Variants in FBXO3 observed in about 807,000 individuals in gnomAD.
FBXO3 encodes F-box protein 3.
FBXO3 carries 17 observed loss-of-function variants against 64.8 expected under a neutral mutation model. The ratio of observed to expected loss-of-function variants is 0.26; its 90% CI spans 0.18 to 0.39. The LOEUF (loss-of-function observed/expected upper bound fraction) is 0.39, where lower values mean the gene tolerates loss of function less well. FBXO3 is among the 10% of genes least tolerant of loss of function. The pLI is 1.00. For synonymous variants in FBXO3, 182 were observed against 201.6 expected, an observed-to-expected ratio of 0.90 and a Z score of 0.82; for missense variants, 420 against 589.9, an observed-to-expected ratio of 0.71 and a Z score of 2.98.
chr11:33,760,216 T>C (rs1022027063), intron 3 of FBXO3, among the ~76,000 whole-genome samples: 3 of 152,182 alleles, frequency 2.0e-5, no homozygotes, highest in African/African-American at 7.2e-5. Flanking sequence ...AGAAAAGTTA[T>C]CTAGATACAT....
In FBXO3 at chr11:33,741,095, G is replaced by C. The variant is rs1430896828; in HGVS notation, c.*813C>G. On this transcript the variant is annotated 3_prime_UTR_variant, in exon 11 of 11. Coordinates refer to ENST00000265651, the MANE Select transcript of FBXO3 (RefSeq NM_012175.4). ...ATTCATGTCACTTATCACAAAGACA[G>C]TCAAGTGTATAAAGGAGAAACAAAA... 1.3e-5 allele frequency: 2 copies of C among 152,590 alleles called. No individual in the cohort carries two copies. Among genetic ancestry groups the C allele is most frequent in the Non-Finnish European group, 1.5e-5 (1 of 68,022 alleles). The allele number at this position is 152,590 out of a possible 1,614,324, so 9.5% of individuals were successfully genotyped here.
At chr11:33,754,527 T>C (rs1590570883) in intron 5 of FBXO3, 27 bp from the exon 6 acceptor site, 1 of 1,542,174 alleles carries the variant, frequency 6.5e-7, no homozygotes, top group East Asian at 2.3e-5. Flanking sequence ...ATACAATCGA[T>C]AAAAACACAT....
At chr11:33,769,243 C>T (rs1010052221) in intron 2 of FBXO3, among the ~76,000 whole-genome samples, 1 of 151,970 alleles carries the variant, frequency 6.6e-6, no homozygotes, top group Non-Finnish European at 1.5e-5. Flanking sequence ...TTTCTTTCTA[C>T]TTATTTTTTT....
Position 33,762,405 on chromosome 11 carries a change from G to C in FBXO3, c.359-3804C>G, listed in dbSNP as rs147520241. Among the ~76,000 whole-genome samples, 252 of 152,152 alleles carry C rather than the reference G, an allele frequency of 1.7e-3. 1 individual carries two copies. The highest frequency in any genetic ancestry group is 6.8e-3 in the Middle Eastern group (2 of 294). On this transcript the variant is annotated intron_variant, in intron 3 of 10. Transcript: ENST00000265651. ...GATCACATACCGGACCACAGAATAA[G>C]TCCTAACAAATTTTAAATGACTGAA...
intron 1 of FBXO3, chr11:33,771,698 C>A (rs1390567826): frequency 6.6e-6 from 1 of 152,186 alleles, no homozygotes; most frequent in African/African-American, 2.4e-5. Flanking sequence ...CTATAGTAAA[C>A]AAAATTGCCT....
intron 2 of FBXO3, 24 bp from the exon 3 acceptor site, chr11:33,769,038 T>C: frequency 1.9e-6 from 3 of 1,558,846 alleles, no homozygotes; most frequent in Non-Finnish European, 2.6e-6. Flanking sequence ...AAACATGAGA[T>C]TTTAAATCTT....
intron 7 of FBXO3, among the ~76,000 whole-genome samples, chr11:33,751,273 T>C (rs922472485): frequency 6.6e-6 from 1 of 152,234 alleles, no homozygotes; most frequent in Non-Finnish European, 1.5e-5. Flanking sequence ...TATTAACCCA[T>C]AGTTTCTAAA....
intron 3 of FBXO3, 77 bp downstream of exon 3, chr11:33,768,774 G>T: frequency 6.6e-7 from 1 of 1,525,808 alleles, no homozygotes; most frequent in Non-Finnish European, 9.1e-7. Flanking sequence ...AGATGACAGA[G>T]ATTCAAAGTT....
chr11:33,747,089 C>T (rs767974816), intron 10 of FBXO3, 41 bp downstream of exon 10: 1 of 1,606,466 alleles, frequency 6.2e-7, no homozygotes, highest in South Asian at 1.1e-5. Context: ...GTTAACCCTA[C>T]AAAGTCATGT....
rs769797882 is a variant in FBXO3 at position 33,755,831 on chromosome 11, C to T, written c.618G>A (p.Gln206=). ...LTFCIHTGLS[Q]YIAVEAAEGR... ...CCTCTGCAGCTTCCACTGCTATGTA[C>T]TGACTCAAACCAGTATGTATGCAAA... The change falls in exon 5 of 11, where the codon CAG becomes CAA. Residue 206 remains glutamine, a synonymous_variant. Coordinates refer to ENST00000265651, the MANE Select transcript of FBXO3 (RefSeq NM_012175.4). The T allele has an allele frequency of 1.2e-6, 2 of 1,614,018 alleles. No homozygotes were observed. Among genetic ancestry groups the T allele is most frequent in the Non-Finnish European group, 1.7e-6 (2 of 1,180,016 alleles).
intron 6 of FBXO3, chr11:33,753,564 T>G (rs1487402636): frequency 6.6e-6 from 1 of 152,200 alleles, no homozygotes; most frequent in East Asian, 1.9e-4. Flanking sequence ...AGAGACCACA[T>G]GAGTCAGAGT....
intron 10 of FBXO3, 133 bp downstream of exon 10, chr11:33,746,996 AC>A: frequency 3.4e-6 from 5 of 1,490,564 alleles, no homozygotes; most frequent in Non-Finnish European, 4.4e-6. Context: ...AATTCACATG[AC>A]CCCCAAGATA....
intron 8 of FBXO3, among the ~76,000 whole-genome samples, chr11:33,749,815 A>C (rs1854909880): frequency 6.6e-6 from 1 of 152,206 alleles, no homozygotes; most frequent in African/African-American, 2.4e-5. Context: ...ATCTAAATCA[A>C]ACAAGTAAAC....
chr11:33,764,122 C>G (rs1157777973), intron 3 of FBXO3, among the ~76,000 whole-genome samples: 1 of 152,036 alleles, frequency 6.6e-6, no homozygotes, highest in Non-Finnish European at 1.5e-5. Context: ...AGAAATAACC[C>G]AAATATCCAT....
chr11:33,760,223 A>G (rs1372661496), intron 3 of FBXO3, among the ~76,000 whole-genome samples: 1 of 152,244 alleles, frequency 6.6e-6, no homozygotes, highest in African/African-American at 2.4e-5. Flanking sequence ...TTATCTAGAT[A>G]CATCTTGGAA....
Position 33,755,892 on chromosome 11 carries a change from T to C in FBXO3, c.557A>G (p.Gln186Arg), listed in dbSNP as rs775480745. The C allele has an allele frequency of 1.2e-6, 2 of 1,614,216 alleles. No homozygotes were observed. The highest frequency in any genetic ancestry group is 3.3e-5 in the Admixed American group (2 of 60,016). Residue 186 changes from glutamine to arginine, a missense_variant, in exon 5 of 11, where the codon CAG (glutamine) becomes CGG (arginine). By Grantham distance (43) the Gln-to-Arg change is conservative. This residue lies in a region of FBXO3 where 337 missense variants were observed against 518.4 expected (regional missense o/e 0.65). Coordinates refer to ENST00000265651, the MANE Select transcript of FBXO3 (RefSeq NM_012175.4). ...GAGACAGTATTTCAGTCCCTGTCTC[T>C]GCTGGAATCCTCCGGCAGCTGTATC... ...DVDTAAGGFQQRQGLKYCLPL... is the reference protein window; with the variant it reads ...DVDTAAGGFQRRQGLKYCLPL...
At chr11:33,772,344 A>G (rs959214247) in intron 1 of FBXO3, 6 of 152,218 alleles carry the variant, frequency 3.9e-5, no homozygotes, top group African/African-American at 1.4e-4. Flanking sequence ...ACATTTACAG[A>G]GGGATCATGT....
chr11:33,774,131 T>C (rs1391062627), intron 1 of FBXO3: 2 of 398,808 alleles, frequency 5.0e-6, no homozygotes, highest in East Asian at 6.0e-5. Context: ...CTCTTGCAAG[T>C]GGGCCTCACC....
chr11:33,763,235 G>A (rs1294051474), intron 3 of FBXO3: 1 of 441,030 alleles, frequency 2.3e-6, no homozygotes, highest in Admixed American at 2.4e-5. Flanking sequence ...AGAAAAAGAG[G>A]CAACACTTCT....
Sources: allele counts gnomAD v4.1 joint callset (sites outside exome capture counted in the v4.1 genomes callset), GRCh38; gene constraint gnomAD v4.1.1; regional missense constraint gnomAD v4.1.1; transcripts MANE v1.5; gene names NCBI Gene and HGNC (gene_info 2026-07-23, HGNC 2026-07-21).